The following LIAS variants were observed in gnomAD, a reference collection of about 807,000 sequenced individuals.
The protein encoded by LIAS is lipoyl synthase, mitochondrial.
In LIAS, 36 loss-of-function variants were observed where a neutral mutation model predicts 49.4. The observed-to-expected ratio is 0.73, with a 90% CI of 0.56 to 0.96. The LOEUF (loss-of-function observed/expected upper bound fraction) is 0.96. Ranked by LOEUF, LIAS falls within the 40% of genes least tolerant of loss-of-function variation. The pLI is 0.00. For synonymous variants in LIAS, 145 were observed against 155.8 expected (o/e 0.93, Z 0.52); for missense variants, 399 against 456.3 (o/e 0.87, Z 1.14).
At chr4:39,472,666 C>G (rs73137462) in intron 9 of LIAS, among the ~76,000 whole-genome samples, 11,856 of 152,234 alleles carry the variant, frequency 0.078, 564 homozygotes, top group African/African-American at 0.13. Context: ...TCCATTCATT[C>G]AAGAAGCTTG....
chr4:39,477,038 A>G (rs775464659), intron 10 of LIAS, 25 bp from the exon 11 acceptor site: 1 of 1,426,358 alleles, frequency 7.0e-7, no homozygotes, highest in Non-Finnish European at 9.7e-7. Flanking sequence ...ATTGATATTA[A>G]TGTGTTTTCC....
rs187448144 is a variant in LIAS at position 39,463,422 on chromosome 4, T to C, written c.313-103T>C. The stretch of plus-strand genomic sequence containing the variant: ...TGAATAGTGAATGTCTTCAAAAATA[T>C]GTTGTAAACAATGAGAAGTTTAAAA... On this transcript the variant is annotated intron_variant, in intron 3 of 10. Coordinates refer to ENST00000640888, the MANE Select transcript of LIAS (RefSeq NM_006859.4). 2.4e-5 allele frequency: 33 copies of C among 1,371,238 alleles called. No homozygotes were observed. In the South Asian group the frequency reaches 4.9e-4, roughly 21 times the overall value. 84.9% of individuals were successfully genotyped at this position (1,371,238 alleles called of 1,614,324 possible). A position where few individuals can be genotyped will look rare whatever the true frequency, so the allele number is the denominator to read the frequency against.
chr4:39,462,356 A>C (rs1260747054), intron 3 of LIAS, 67 bp downstream of exon 3: 9 of 538,752 alleles, frequency 1.7e-5, no homozygotes, highest in Non-Finnish European at 2.7e-5. Context: ...ATATAACTTA[A>C]AAATTATTAA....
rs1411734760 is a variant in LIAS at position 39,478,382 on chromosome 4, T to C, written c.*1267T>C. 1 of 152,170 alleles carries C rather than the reference T, an allele frequency of 6.6e-6. No individual in the cohort carries two copies. The highest frequency in any genetic ancestry group is 1.5e-5 in the Non-Finnish European group (1 of 68,034). The allele number at this position is 152,170 out of a possible 1,614,324, so 9.4% of individuals were successfully genotyped here. A position where few individuals can be genotyped will look rare whatever the true frequency, so the allele number is the denominator to read the frequency against. On this transcript the variant is annotated 3_prime_UTR_variant, in exon 11 of 11. Coordinates refer to ENST00000640888, the MANE Select transcript of LIAS (RefSeq NM_006859.4). ...AGCTAGGTGTGTTGGCAGGTGCCTGTAATCCCAGCTACTTGGGAGGCTGAG... is the reference window on the plus strand; with the variant it reads ...AGCTAGGTGTGTTGGCAGGTGCCTGCAATCCCAGCTACTTGGGAGGCTGAG...
chr4:39,459,821 G>T (rs184598559), intron 1 of LIAS, among the ~76,000 whole-genome samples: 59 of 152,268 alleles, frequency 3.9e-4, no homozygotes, highest in African/African-American at 9.6e-4. Context: ...TTAGCTGAGC[G>T]TGGTGGCGTG....
rs372094616 is a variant in LIAS at position 39,463,615 on chromosome 4, G to A, written c.393+10G>A. The A allele has an allele frequency of 3.7e-4, 595 of 1,610,172 alleles. 8 individuals are homozygous for A. In the East Asian group the frequency reaches 0.011, roughly 31 times the overall value. ...CACAGCCACGATCATGGTAGGGCCA[G>A]CCTCAACCTCTATGGCTTTAGTCTA... On this transcript the variant is annotated intron_variant, in intron 4 of 10. Coordinates refer to ENST00000640888, the MANE Select transcript of LIAS (RefSeq NM_006859.4).
intron 10 of LIAS, among the ~76,000 whole-genome samples, chr4:39,474,281 A>G (rs1405485307): frequency 7.0e-6 from 1 of 143,352 alleles, no homozygotes; most frequent in Admixed American, 6.9e-5. Flanking sequence ...AAAAAAAAAA[A>G]GAATAAATAG....
chr4:39,468,065 TATC>T (rs1359227340), intron 7 of LIAS: 3 of 152,140 alleles, frequency 2.0e-5, no homozygotes, highest in African/African-American at 4.8e-5. Context: ...TTTAAAATAA[TATC>T]ATACTGCAAA....
In LIAS at chr4:39,459,088, C is replaced by T; in HGVS notation, c.-30C>T. ...TTCCCGGGAGTTAGCGATCCCTCAA[C>T]CCCTGCACTGCGCTAGTCCTAAAGA... On this transcript the variant is annotated 5_prime_UTR_variant, in exon 1 of 11. Transcript: ENST00000640888. 6.2e-7 allele frequency: 1 copy of T among 1,613,878 alleles called. No individual in the cohort carries two copies. Among genetic ancestry groups the T allele is most frequent in the Non-Finnish European group, 8.5e-7 (1 of 1,179,742 alleles).
At chr4:39,465,668 A>ATTT (rs33977702) in intron 6 of LIAS, among the ~76,000 whole-genome samples, 2 of 146,240 alleles carry the variant, frequency 1.4e-5, no homozygotes, top group Non-Finnish European at 1.5e-5. Flanking sequence ...CTTAGTAATG[A>ATTT]TTTTTTTTTT....
In LIAS at chr4:39,463,653, G is replaced by T. The variant is rs374984399; in HGVS notation, c.393+48G>T. The stretch of plus-strand genomic sequence containing the variant: ...TGGCTTTAGTCTAGAAACTGAAAGG[G>T]ACTATTTTGTGTCTTCCTCCTAAAA... On this transcript the variant is annotated intron_variant, in intron 4 of 10. Coordinates refer to ENST00000640888, the MANE Select transcript of LIAS (RefSeq NM_006859.4). 6 of 1,564,016 alleles carry T rather than the reference G, an allele frequency of 3.8e-6. No homozygotes were observed. The African/African-American group carries it at 6.8e-5, about 18-fold the overall frequency.
chr4:39,473,032 G>C (rs1164594168), intron 9 of LIAS, 68 bp from the exon 10 acceptor site: 1 of 913,454 alleles, frequency 1.1e-6, no homozygotes, highest in East Asian at 2.5e-5. Context: ...TGCATACATA[G>C]GTATAGACTT....
intron 2 of LIAS, 47 bp downstream of exon 2, chr4:39,461,009 G>A: frequency 2.0e-6 from 3 of 1,478,484 alleles, no homozygotes; most frequent in East Asian, 4.6e-5. Context: ...CCTTTATTGT[G>A]CATTATTTTC....
intron 3 of LIAS, among the ~76,000 whole-genome samples, chr4:39,463,099 C>CTT (rs1191165140): frequency 1.2e-4 from 17 of 141,040 alleles, no homozygotes; most frequent in South Asian, 4.5e-4. Context: ...GTTTAACAGC[C>CTT]TTTTTTTTTT....
At chr4:39,474,886 C>T (rs1052054873) in intron 10 of LIAS, 8 of 151,976 alleles carry the variant, frequency 5.3e-5, no homozygotes, top group African/African-American at 1.9e-4. Context: ...TGAGCCACCG[C>T]ACCCGGCTGA....
rs759743945 is a variant in LIAS at position 39,459,092 on chromosome 4, T to G, written c.-26T>G. 6.2e-7 allele frequency: 1 copy of G among 1,613,886 alleles called. No individual in the cohort carries two copies. ...CGGGAGTTAGCGATCCCTCAACCCCTGCACTGCGCTAGTCCTAAAGAGGAA... is the reference window on the plus strand; with the variant it reads ...CGGGAGTTAGCGATCCCTCAACCCCGGCACTGCGCTAGTCCTAAAGAGGAA... On this transcript the variant is annotated 5_prime_UTR_variant, in exon 1 of 11. Coordinates refer to ENST00000640888, the MANE Select transcript of LIAS (RefSeq NM_006859.4).
chr4:39,473,028 C>T, intron 9 of LIAS, 72 bp from the exon 10 acceptor site: 1 of 875,210 alleles, frequency 1.1e-6, no homozygotes, highest in Non-Finnish European at 1.9e-6. Context: ...ATTCTGCATA[C>T]ATAGGTATAG....
chr4:39,471,250 G>A lies in LIAS; in HGVS notation c.898G>A (p.Asp300Asn). The A allele has an allele frequency of 6.2e-7, 1 of 1,610,308 alleles. No individual in the cohort carries two copies. Among genetic ancestry groups the A allele is most frequent in the Non-Finnish European group, 8.5e-7 (1 of 1,177,820 alleles). Residue 300 changes from aspartate (D) to asparagine (N), a missense_variant, in exon 9 of 11, where the codon GAT becomes AAT. Transcript: ENST00000640888. ...YATMKALREADVDCLTLGQYM... is the reference protein window; with the variant it reads ...YATMKALREANVDCLTLGQYM... The stretch of plus-strand genomic sequence containing the variant: ...TCTTCCTACAGCACTTCGTGAGGCA[G>A]ATGTAGACTGCTTGACTTTAGGACA...
intron 10 of LIAS, chr4:39,476,789 C>A (rs1054887067): frequency 8.3e-6 from 3 of 361,612 alleles, no homozygotes; most frequent in African/African-American, 4.4e-5. Flanking sequence ...TGTGCAGACC[C>A]ATATATACAG....
Sources: allele counts gnomAD v4.1 joint callset (sites outside exome capture counted in the v4.1 genomes callset), GRCh38; gene constraint gnomAD v4.1.1; transcripts MANE v1.5; gene names NCBI Gene and HGNC (gene_info 2026-07-23, HGNC 2026-07-21).